The following NRG3 variants were observed in gnomAD, a reference collection of about 807,000 sequenced individuals.
NRG3 encodes neuregulin 3, also known as pro-neuregulin-3, membrane-bound isoform.
In NRG3, 31 loss-of-function variants were observed where a neutral mutation model predicts 66.9. The ratio of observed to expected loss-of-function variants is 0.46; its 90% confidence interval spans 0.35 to 0.63. NRG3 has a LOEUF of 0.63. Ranked by LOEUF, NRG3 falls within the 20% of genes least tolerant of loss-of-function variation. NRG3 has a pLI of 0.00. For synonymous variants in NRG3, 393 were observed against 359.4 expected, an observed-to-expected ratio of 1.09 and a Z score of -1.06; for missense variants, 910 against 878.9, an observed-to-expected ratio of 1.04 and a Z score of -0.45.
intron 1 of NRG3, among the ~76,000 whole-genome samples, chr10:82,347,142 C>A (rs374968007): frequency 6.7e-6 from 1 of 148,210 alleles, no homozygotes; most frequent in South Asian, 2.1e-4. Context: ...TTTTCTAGTT[C>A]TTTTAATTGT....
At chr10:82,012,632 A>G (rs2132651809) in intron 1 of NRG3, among the ~76,000 whole-genome samples, 1 of 152,316 alleles carries the variant, frequency 6.6e-6, no homozygotes, top group South Asian at 2.1e-4. Context: ...ATAAAACTGA[A>G]TGCATTTGAC....
rs145606229 is a variant in NRG3 at position 82,768,204 on chromosome 10, A to G, written c.1027+29554A>G. On this transcript the variant is annotated intron_variant, in intron 3 of 8. Transcript: ENST00000372141. ...CTCCCCACTTCATGTGTTCAGTTCC[A>G]TGTCTTTCTTTCACTTTCACGTGTA... 2.3e-3 allele frequency among the ~76,000 whole-genome samples: 351 copies of G among 151,960 alleles called. 1 individual carries two copies. The highest frequency in any genetic ancestry group is 4.1e-3 in the Non-Finnish European group (277 of 67,962).
intron 4 of NRG3, among the ~76,000 whole-genome samples, chr10:82,932,354 T>C (rs1923557): frequency 0.38 from 57,702 of 152,064 alleles, 11,414 homozygotes; most frequent in East Asian, 0.63. Flanking sequence ...ATGTCACCTG[T>C]TTTTATTCTT....
In NRG3 at chr10:82,484,130, C is replaced by T. The variant is rs569470325; in HGVS notation, c.953+125262C>T. ...GATTTAAAACAGGGTCGCATACCTGCCCATTCCCACCTGGACTGACACTTA... is the reference window on the plus strand; with the variant it reads ...GATTTAAAACAGGGTCGCATACCTGTCCATTCCCACCTGGACTGACACTTA... On this transcript the variant is annotated intron_variant, in intron 2 of 8. Coordinates refer to ENST00000372141, the MANE Select transcript of NRG3 (RefSeq NM_001010848.4). Among the ~76,000 whole-genome samples the T allele has an allele frequency of 2.0e-5, 3 of 152,284 alleles. No individual in the cohort carries two copies. In the South Asian group the frequency reaches 6.2e-4, roughly 32 times the overall value.
chr10:82,377,420 A>ATG (rs1001005664), intron 2 of NRG3, among the ~76,000 whole-genome samples: 1 of 142,012 alleles, frequency 7.0e-6, no homozygotes, highest in African/African-American at 2.9e-5. Context: ...AGAGAGGTGT[A>ATG]TGTGTGTGTG....
chr10:82,085,657 A>G (rs1339448752), intron 1 of NRG3, among the ~76,000 whole-genome samples: 2 of 151,576 alleles, frequency 1.3e-5, no homozygotes, highest in Admixed American at 6.6e-5. Context: ...TCTTTTTGAG[A>G]TGGAGTTTCA....
chr10:82,220,987 A>T (rs2075913290), intron 1 of NRG3, among the ~76,000 whole-genome samples: 1 of 152,164 alleles, frequency 6.6e-6, no homozygotes, highest in Admixed American at 6.5e-5. Flanking sequence ...CTATTGTCTC[A>T]AAAAATAAAA....
chr10:82,669,221 A>T (rs1267451105), intron 2 of NRG3, among the ~76,000 whole-genome samples: 1 of 149,850 alleles, frequency 6.7e-6, no homozygotes, highest in Non-Finnish European at 1.5e-5. Context: ...AAGGTAAGTA[A>T]CTTGGACTAG....
intron 2 of NRG3, among the ~76,000 whole-genome samples, chr10:82,467,380 G>A (rs566031374): frequency 2.0e-5 from 3 of 152,136 alleles, no homozygotes; most frequent in Non-Finnish European, 2.9e-5. Flanking sequence ...TCTCTTCCAC[G>A]CTGCCAAACT....
chr10:82,278,450 A>C (rs985571527), intron 1 of NRG3, among the ~76,000 whole-genome samples: 3 of 152,018 alleles, frequency 2.0e-5, no homozygotes, highest in African/African-American at 7.2e-5. Context: ...CTGATTCCTG[A>C]TTACTCTCTC....
chr10:82,540,991 C>T (rs974304000), intron 2 of NRG3, among the ~76,000 whole-genome samples: 8 of 152,178 alleles, frequency 5.3e-5, no homozygotes, highest in African/African-American at 1.7e-4. Context: ...AATTTGAACA[C>T]GCAAAGAGAG....
chr10:82,115,891 A>G (rs748524842), intron 1 of NRG3, among the ~76,000 whole-genome samples: 19 of 152,144 alleles, frequency 1.2e-4, no homozygotes, highest in South Asian at 1.0e-3. Context: ...AGAGCATCCA[A>G]CTCTCCTACA....
chr10:82,112,439 A>G (rs1344402044), intron 1 of NRG3, among the ~76,000 whole-genome samples: 1 of 152,104 alleles, frequency 6.6e-6, no homozygotes, highest in Non-Finnish European at 1.5e-5. Flanking sequence ...AGAAAATGTT[A>G]CTGCCTTTGT....
chr10:82,854,181 C>G (rs1280668240), intron 3 of NRG3, among the ~76,000 whole-genome samples: 3 of 152,136 alleles, frequency 2.0e-5, no homozygotes, highest in Non-Finnish European at 2.9e-5. Flanking sequence ...CATAATAATT[C>G]TACATGCTAA....
intron 4 of NRG3, among the ~76,000 whole-genome samples, chr10:82,947,642 C>G (rs978990952): frequency 3.3e-5 from 5 of 152,020 alleles, no homozygotes; most frequent in African/African-American, 9.7e-5. Flanking sequence ...TGCCATATAT[C>G]TCATTATAAT....
chr10:82,308,304 A>T (rs532727558), intron 1 of NRG3, among the ~76,000 whole-genome samples: 1 of 152,042 alleles, frequency 6.6e-6, no homozygotes, highest in East Asian at 1.9e-4. Flanking sequence ...GGCCAGGCTG[A>T]TCTCAAACTC....
At chr10:82,545,327 G>C (rs1270648016) in intron 2 of NRG3, among the ~76,000 whole-genome samples, 1 of 151,162 alleles carries the variant, frequency 6.6e-6, no homozygotes, top group African/African-American at 2.4e-5. Flanking sequence ...AAATAAGTAA[G>C]GATATTGTAA....
At chr10:82,263,728 T>C (rs2078155356) in intron 1 of NRG3, among the ~76,000 whole-genome samples, 1 of 152,126 alleles carries the variant, frequency 6.6e-6, no homozygotes, top group African/African-American at 2.4e-5. Context: ...ACCTTCCCTT[T>C]CCCAAGGGAT....
intron 3 of NRG3, among the ~76,000 whole-genome samples, chr10:82,852,452 C>A (rs937653827): frequency 8.6e-5 from 13 of 151,584 alleles, no homozygotes; most frequent in African/African-American, 2.9e-4. Context: ...CCAGAACTTA[C>A]AGTAAAAATT....
Sources: gnomAD v4.1 joint callset for allele counts (sites outside exome capture counted in the v4.1 genomes callset) on GRCh38, gnomAD v4.1.1 for gene constraint, MANE v1.5 for transcripts, NCBI Gene and HGNC (gene_info 2026-07-23, HGNC 2026-07-21) for gene names.